Variants in PTPRG observed in about 807,000 individuals in gnomAD.
PTPRG encodes protein tyrosine phosphatase receptor type G.
In PTPRG, 102 loss-of-function variants were observed where a neutral mutation model predicts 165.3. The ratio of observed to expected loss-of-function variants is 0.62; its 90% CI spans 0.53 to 0.73. The LOEUF (loss-of-function observed/expected upper bound fraction) is 0.73, where lower values mean the gene tolerates loss of function less well. Among genes scored for constraint, PTPRG ranks in the 30% least tolerant of loss-of-function variants. The pLI, the probability that PTPRG is intolerant of heterozygous loss-of-function variation, is 0.00. For synonymous variants in PTPRG, 675 were observed against 669.5 expected (o/e 1.01, Z -0.13); for missense variants, 1,866 against 1,861.4 (o/e 1.00, Z -0.05).
At chr3:62,100,953 C>G (rs1702271223) in intron 5 of PTPRG, among the ~76,000 whole-genome samples, 1 of 152,056 alleles carries the variant, frequency 6.6e-6, no homozygotes, top group South Asian at 2.1e-4. Flanking sequence ...ATGTAATATT[C>G]TTTAAAGTAT....
intron 8 of PTPRG, among the ~76,000 whole-genome samples, chr3:62,175,333 G>A (rs1213486110): frequency 6.6e-6 from 1 of 152,200 alleles, no homozygotes; most frequent in Non-Finnish European, 1.5e-5. Flanking sequence ...GCTAGCAAGA[G>A]AGCCGAGTGC....
intron 2 of PTPRG, among the ~76,000 whole-genome samples, chr3:61,788,746 G>A (rs768553584): frequency 2.0e-5 from 3 of 152,148 alleles, no homozygotes; most frequent in Admixed American, 6.5e-5. Flanking sequence ...TATAGTTTTC[G>A]TTGTAGCTGT....
intron 2 of PTPRG, among the ~76,000 whole-genome samples, chr3:61,818,161 A>C (rs1042725506): frequency 5.3e-5 from 8 of 152,212 alleles, no homozygotes; most frequent in Non-Finnish European, 1.0e-4. Context: ...GAGCAGAAGA[A>C]AAGCATTACA....
At chr3:61,798,259 T>G (rs572659802) in intron 2 of PTPRG, among the ~76,000 whole-genome samples, 1 of 152,312 alleles carries the variant, frequency 6.6e-6, no homozygotes, top group African/African-American at 2.4e-5. Flanking sequence ...TAGATACAAC[T>G]GTAGCTATAA....
rs192048817 is a variant in PTPRG, at chr3:62,234,941, C to T, written c.2375+3630C>T. On this transcript the variant is annotated intron_variant, in intron 14 of 29. Coordinates refer to ENST00000474889, the MANE Select transcript of PTPRG (RefSeq NM_002841.4). ...GTGTGATGTCTGAATCTACTTCCCC[C>T]CCCCGAGATGGTCTCAAGTATTTTA... is the stretch of plus-strand genomic sequence containing the variant. Among the ~76,000 whole-genome samples the T allele has an allele frequency of 1.2e-4, 18 of 151,346 alleles. No individual in the cohort carries two copies. In the East Asian group the frequency reaches 2.3e-3, roughly 20 times the overall value.
chr3:61,930,767 G>C (rs966055851), intron 2 of PTPRG, among the ~76,000 whole-genome samples: 11 of 152,170 alleles, frequency 7.2e-5, no homozygotes, highest in African/African-American at 2.7e-4. Context: ...GCACGTAAAA[G>C]AAGGCAGTGC....
chr3:61,814,901 T>G (rs1472375527), intron 2 of PTPRG, among the ~76,000 whole-genome samples: 1 of 151,980 alleles, frequency 6.6e-6, no homozygotes, highest in African/African-American at 2.4e-5. Context: ...GCTAGCAGTT[T>G]TTATTGCTAT....
chr3:61,956,610 T>G (rs1421794481), intron 2 of PTPRG, among the ~76,000 whole-genome samples: 2 of 152,120 alleles, frequency 1.3e-5, no homozygotes, highest in Non-Finnish European at 2.9e-5. Context: ...TATCTGGAGA[T>G]TAAAAGCAGG....
At chr3:61,630,251 A>G (rs1701731752) in intron 1 of PTPRG, among the ~76,000 whole-genome samples, 2 of 152,342 alleles carry the variant, frequency 1.3e-5, no homozygotes. Context: ...AGATTTTGAG[A>G]TAAGTATTCA....
At chr3:62,242,784 T>C (rs547194903) in intron 14 of PTPRG, among the ~76,000 whole-genome samples, 12 of 152,162 alleles carry the variant, frequency 7.9e-5, no homozygotes, top group Non-Finnish European at 1.8e-4. Context: ...AAAGTTGACT[T>C]ATCTGGTAGT....
chr3:61,570,587 G>A (rs1700032915), intron 1 of PTPRG, among the ~76,000 whole-genome samples: 1 of 152,172 alleles, frequency 6.6e-6, no homozygotes, highest in Non-Finnish European at 1.5e-5. Flanking sequence ...AGGTATTTGA[G>A]TTTTCATAGC....
intron 1 of PTPRG, among the ~76,000 whole-genome samples, chr3:61,659,739 A>G (rs1363886581): frequency 1.3e-5 from 2 of 152,198 alleles, no homozygotes; most frequent in Admixed American, 1.3e-4. Flanking sequence ...GTCATGATAC[A>G]TTGATTATTA....
intron 1 of PTPRG, among the ~76,000 whole-genome samples, chr3:61,672,889 G>A (rs1172244148): frequency 1.3e-5 from 2 of 151,686 alleles, no homozygotes; most frequent in African/African-American, 2.4e-5. Context: ...CCCGGTGTGG[G>A]GGCACAACAC....
intron 2 of PTPRG, among the ~76,000 whole-genome samples, chr3:61,846,202 C>A (rs534472364): frequency 6.6e-6 from 1 of 152,092 alleles, no homozygotes; most frequent in Non-Finnish European, 1.5e-5. Context: ...ATTATTTATA[C>A]CTGTAATTTA....
intron 2 of PTPRG, among the ~76,000 whole-genome samples, chr3:61,792,625 T>G (rs1275701267): frequency 6.6e-6 from 1 of 152,230 alleles, no homozygotes; most frequent in African/African-American, 2.4e-5. Context: ...TGTCACATTT[T>G]TCTTAGTTCT....
chr3:62,155,433 C>T (rs563897557), intron 6 of PTPRG, among the ~76,000 whole-genome samples: 1 of 152,264 alleles, frequency 6.6e-6, no homozygotes, highest in East Asian at 1.9e-4. Context: ...GATTCTAAAC[C>T]CAGCTACCTG....
intron 2 of PTPRG, among the ~76,000 whole-genome samples, chr3:61,882,835 GC>G (rs1281149944): frequency 6.6e-6 from 1 of 152,078 alleles, no homozygotes; most frequent in African/African-American, 2.4e-5. Flanking sequence ...TTAAATGGGT[GC>G]CCCATTCTCC....
chr3:61,801,671 C>T (rs532188128), intron 2 of PTPRG, among the ~76,000 whole-genome samples: 1 of 152,118 alleles, frequency 6.6e-6, no homozygotes, highest in Non-Finnish European at 1.5e-5. Context: ...GGGACTGTTT[C>T]TCTCTGTTTC....
intron 1 of PTPRG, among the ~76,000 whole-genome samples, chr3:61,715,491 T>G (rs959164229): frequency 6.6e-6 from 1 of 152,148 alleles, no homozygotes; most frequent in African/African-American, 2.4e-5. Context: ...AGTGCTGAGA[T>G]TACTGGTGTG....
Sources: gnomAD v4.1 joint callset for allele counts (sites outside exome capture counted in the v4.1 genomes callset) on GRCh38, gnomAD v4.1.1 for gene constraint, MANE v1.5 for transcripts, NCBI Gene and HGNC (gene_info 2026-07-23, HGNC 2026-07-21) for gene names.